KSR2: variants seen among roughly 807,000 people sequenced by gnomAD.
The protein encoded by KSR2 is kinase suppressor of ras 2.
In KSR2, 25 loss-of-function variants were observed where a neutral mutation model predicts 107.8. That is an observed-to-expected ratio of 0.23 (90% CI 0.17 to 0.32). KSR2 has a LOEUF of 0.32. Ranked by LOEUF, KSR2 falls within the 10% of genes least tolerant of loss-of-function variation. KSR2 has a pLI of 1.00. For synonymous variants in KSR2, 480 were observed against 507.0 expected, an observed-to-expected ratio of 0.95 and a Z score of 0.71; for missense variants, 887 against 1,268.9, an observed-to-expected ratio of 0.70 and a Z score of 4.57.
intron 10 of KSR2, among the ~76,000 whole-genome samples, chr12:117,537,271 T>G (rs7314852): frequency 0.021 from 3,204 of 152,212 alleles, 64 homozygotes; most frequent in South Asian, 0.056. Context: ...CTTCCCCAAA[T>G]GTTGAGTTCA....
chr12:117,667,266 C>G (rs1206416829), intron 5 of KSR2, among the ~76,000 whole-genome samples: 4 of 152,150 alleles, frequency 2.6e-5, no homozygotes, highest in African/African-American at 7.2e-5. Context: ...CAGTTATGCC[C>G]CCTTCCAAAA....
At chr12:117,779,485 A>G (rs1889805810) in intron 3 of KSR2, among the ~76,000 whole-genome samples, 1 of 152,126 alleles carries the variant, frequency 6.6e-6, no homozygotes, top group South Asian at 2.1e-4. Flanking sequence ...AAAACCAAGC[A>G]AGCAGTGGGC....
intron 10 of KSR2, among the ~76,000 whole-genome samples, chr12:117,538,744 T>A (rs1208591872): frequency 6.6e-6 from 1 of 152,222 alleles, no homozygotes; most frequent in Non-Finnish European, 1.5e-5. Flanking sequence ...TATTTAATTT[T>A]AATTTATTTA....
chr12:117,482,373 AG>A (rs1330357098), intron 16 of KSR2, among the ~76,000 whole-genome samples: 3 of 152,170 alleles, frequency 2.0e-5, no homozygotes, highest in Non-Finnish European at 4.4e-5. Flanking sequence ...CAGAACTATG[AG>A]GGATGACAAT....
chr12:117,573,377 A>AT (rs1343269442), intron 7 of KSR2, among the ~76,000 whole-genome samples: 40 of 152,256 alleles, frequency 2.6e-4, no homozygotes, highest in African/African-American at 9.4e-4. Flanking sequence ...TGTCGTTGTC[A>AT]TTAAGCAATC....
chr12:117,746,161 A>G (rs1306593058), intron 4 of KSR2, among the ~76,000 whole-genome samples: 1 of 152,212 alleles, frequency 6.6e-6, no homozygotes, highest in Non-Finnish European at 1.5e-5. Context: ...TGGAGGCATC[A>G]CGCTACCTGA....
chr12:117,953,202 A>G (rs1896415328), intron 1 of KSR2, among the ~76,000 whole-genome samples: 1 of 151,790 alleles, frequency 6.6e-6, no homozygotes, highest in Non-Finnish European at 1.5e-5. Context: ...AAAGTCATCA[A>G]GGATGTAGAG....
chr12:117,815,870 G>A (rs1033391368), intron 3 of KSR2, among the ~76,000 whole-genome samples: 9 of 152,020 alleles, frequency 5.9e-5, no homozygotes, highest in Admixed American at 5.2e-4. Flanking sequence ...AGCTACTCGG[G>A]AGGCTGAGGC....
intron 1 of KSR2, among the ~76,000 whole-genome samples, chr12:117,961,760 T>C (rs770556872): frequency 6.6e-5 from 10 of 152,160 alleles, no homozygotes; most frequent in Non-Finnish European, 8.8e-5. Flanking sequence ...CAAATTGTTG[T>C]CTTAAGCCCA....
At chr12:117,843,539 A>G (rs1416926006) in intron 3 of KSR2, among the ~76,000 whole-genome samples, 1 of 152,162 alleles carries the variant, frequency 6.6e-6, no homozygotes, top group East Asian at 1.9e-4. Context: ...AGCTGGCCAA[A>G]AGTGAAGTTG....
intron 4 of KSR2, among the ~76,000 whole-genome samples, chr12:117,748,167 C>G (rs1888481230): frequency 6.6e-6 from 1 of 152,084 alleles, no homozygotes. Flanking sequence ...ATGAGTGAAC[C>G]TGGAGGATAC....
At chr12:117,503,134 A>G (rs545771342) in intron 14 of KSR2, among the ~76,000 whole-genome samples, 2 of 152,226 alleles carry the variant, frequency 1.3e-5, no homozygotes, top group African/African-American at 2.4e-5. Flanking sequence ...TAGCACCTAG[A>G]GGTTAGGAGC....
intron 4 of KSR2, among the ~76,000 whole-genome samples, chr12:117,730,210 T>G (rs1280999261): frequency 6.6e-6 from 1 of 152,172 alleles, no homozygotes; most frequent in Non-Finnish European, 1.5e-5. Context: ...AGCTTGCCGA[T>G]CCCTGTGCCC....
intron 5 of KSR2, among the ~76,000 whole-genome samples, chr12:117,626,853 G>C (rs946493363): frequency 6.6e-6 from 1 of 152,040 alleles, no homozygotes; most frequent in African/African-American, 2.4e-5. Flanking sequence ...TCTCTTTGTA[G>C]GTCTCTAAGG....
At chr12:117,864,104 G>A (rs1467810786) in intron 1 of KSR2, among the ~76,000 whole-genome samples, 4 of 152,102 alleles carry the variant, frequency 2.6e-5, no homozygotes, top group African/African-American at 7.2e-5. Context: ...CACTTACCCG[G>A]GCAAGTGGTT....
chr12:117,633,291 C>T (rs1183148168), intron 5 of KSR2, among the ~76,000 whole-genome samples: 5 of 152,222 alleles, frequency 3.3e-5, no homozygotes, highest in African/African-American at 1.2e-4. Context: ...TGAGAACACT[C>T]TTCTTCTGGT....
At chr12:117,677,525 A>G (rs1885186558) in intron 4 of KSR2, among the ~76,000 whole-genome samples, 1 of 152,110 alleles carries the variant, frequency 6.6e-6, no homozygotes, top group Non-Finnish European at 1.5e-5. Flanking sequence ...GAGAAAATAC[A>G]TTTCCATTGT....
chr12:117,467,924 T>TG, intron 19 of KSR2: 2 of 126,476 alleles, frequency 1.6e-5, no homozygotes, highest in Non-Finnish European at 3.1e-5. Flanking sequence ...CCTGTGTTTT[T>TG]TTTTTTTTTT....
chr12:117,944,477 C>T (rs1395701912), intron 1 of KSR2, among the ~76,000 whole-genome samples: 3 of 152,010 alleles, frequency 2.0e-5, no homozygotes, highest in African/African-American at 4.8e-5. Context: ...TTATATGTGA[C>T]GTCCAGAAAA....
Sources: allele counts gnomAD v4.1 joint callset (sites outside exome capture counted in the v4.1 genomes callset), GRCh38; gene constraint gnomAD v4.1.1; transcripts MANE v1.5; gene names NCBI Gene and HGNC (gene_info 2026-07-23, HGNC 2026-07-21).